AGBL4: variants seen among roughly 807,000 people sequenced by gnomAD.
AGBL4 encodes the protein AGBL carboxypeptidase 4.
In AGBL4, 58 loss-of-function variants were observed where a neutral mutation model predicts 66.4. The ratio of observed to expected loss-of-function variants is 0.87; its 90% CI spans 0.71 to 1.09. The LOEUF is 1.09. AGBL4 is among the 50% of genes least tolerant of loss of function. AGBL4 has a pLI of 0.00. For missense variants in AGBL4, 579 were observed against 631.0 expected (o/e 0.92, Z 0.88); for synonymous variants, 234 against 222.9 (o/e 1.05, Z -0.44).
rs184597093 is a variant in AGBL4 at position 49,824,181 on chromosome 1, C to T, written c.157+27215G>A. 1.5e-3 allele frequency among the ~76,000 whole-genome samples: 234 copies of T among 152,240 alleles called. 4 individuals carry two copies. The highest frequency in any genetic ancestry group is 5.5e-3 in the African/African-American group (227 of 41,542). ...CCGAGATCGCGCATTGCACTCCAGC[C>T]TGGGCAACAAGAGCAAAACTCCGTC... On this transcript the variant is annotated intron_variant, in intron 2 of 13. Coordinates refer to ENST00000371839, the MANE Select transcript of AGBL4 (RefSeq NM_032785.4).
At chr1:49,889,357 T>G (rs944461101) in intron 1 of AGBL4, among the ~76,000 whole-genome samples, 1 of 152,180 alleles carries the variant, frequency 6.6e-6, no homozygotes, top group South Asian at 2.1e-4. Flanking sequence ...TAAATAAGCA[T>G]TTTCATCAAC....
chr1:49,936,898 C>T (rs1262231910), intron 1 of AGBL4, among the ~76,000 whole-genome samples: 2 of 152,136 alleles, frequency 1.3e-5, no homozygotes, highest in Non-Finnish European at 2.9e-5. Context: ...CCGAATTATA[C>T]AGACCATCGA....
At chr1:48,767,490 C>T (rs919415697) in intron 6 of AGBL4, among the ~76,000 whole-genome samples, 3 of 152,142 alleles carry the variant, frequency 2.0e-5, no homozygotes, top group African/African-American at 4.8e-5. Context: ...ACGGATAAGA[C>T]GTGAGGAGGA....
At chr1:49,023,115 G>A (rs949507506) in intron 5 of AGBL4, among the ~76,000 whole-genome samples, 1 of 152,196 alleles carries the variant, frequency 6.6e-6, no homozygotes, top group Non-Finnish European at 1.5e-5. Flanking sequence ...CAAGAGAAAA[G>A]CTCTGCCTAC....
intron 5 of AGBL4, chr1:49,025,585 AC>A (rs1663599460): frequency 6.6e-6 from 1 of 152,100 alleles, no homozygotes; most frequent in South Asian, 2.1e-4. Flanking sequence ...TTGCCTTGTG[AC>A]CTAATGTTAT....
Position 48,576,911 on chromosome 1 carries a change from C to A in AGBL4, c.1267+10093G>T, listed in dbSNP as rs147997764. ...ATAGTGTCAGTTAAGATGCCTAAAC[C>A]ATTTTACTGCACAGGAAACCTCATT... is the stretch of plus-strand genomic sequence containing the variant. On this transcript the variant is annotated intron_variant, in intron 11 of 13. Transcript: ENST00000371839. 2.3e-4 allele frequency among the ~76,000 whole-genome samples: 35 copies of A among 152,306 alleles called. 1 individual carries two copies. Among genetic ancestry groups the A allele is most frequent in the African/African-American group, 8.2e-4 (34 of 41,572 alleles).
intron 3 of AGBL4, among the ~76,000 whole-genome samples, chr1:49,459,409 C>T (rs1361430409): frequency 6.6e-6 from 1 of 151,448 alleles, no homozygotes; most frequent in Non-Finnish European, 1.5e-5. Flanking sequence ...TGCATAGTAG[C>T]CTTTAATAAT....
chr1:49,823,860 T>C (rs1645435397), intron 2 of AGBL4, among the ~76,000 whole-genome samples: 1 of 151,460 alleles, frequency 6.6e-6, no homozygotes, highest in South Asian at 2.1e-4. Context: ...ATACATTTTC[T>C]TGGCGATATA....
intron 2 of AGBL4, among the ~76,000 whole-genome samples, chr1:49,838,391 G>C (rs992927563): frequency 6.6e-6 from 1 of 152,184 alleles, no homozygotes; most frequent in Non-Finnish European, 1.5e-5. Flanking sequence ...GTTCCTCTTA[G>C]CTGAGGTAGC....
chr1:49,120,555 G>A (rs188530230), intron 4 of AGBL4, among the ~76,000 whole-genome samples: 27 of 152,288 alleles, frequency 1.8e-4, no homozygotes, highest in African/African-American at 4.3e-4. Flanking sequence ...GGTTTCTGCC[G>A]AGAGATCTGC....
chr1:48,997,617 A>G (rs3118222), intron 5 of AGBL4, among the ~76,000 whole-genome samples: 86,754 of 152,016 alleles, frequency 0.57, 25,181 homozygotes, highest in Non-Finnish European at 0.61. Context: ...AGCTCTATAA[A>G]TACAAAGTCT....
chr1:49,859,987 A>G (rs1454937255), intron 1 of AGBL4, among the ~76,000 whole-genome samples: 3 of 152,218 alleles, frequency 2.0e-5, no homozygotes, highest in African/African-American at 7.2e-5. Context: ...AATATTTGTA[A>G]CACCAATAAA....
chr1:48,589,760 C>T (rs779939911), intron 10 of AGBL4, among the ~76,000 whole-genome samples: 4 of 152,166 alleles, frequency 2.6e-5, no homozygotes, highest in African/African-American at 4.8e-5. Context: ...TAGAAATTAT[C>T]GTCCAGCAAT....
chr1:49,848,835 G>A (rs1229443004), intron 2 of AGBL4, among the ~76,000 whole-genome samples: 1 of 152,106 alleles, frequency 6.6e-6, no homozygotes, highest in Non-Finnish European at 1.5e-5. Context: ...TGCTAATGAT[G>A]TTATATCCAA....
intron 1 of AGBL4, among the ~76,000 whole-genome samples, chr1:49,984,053 A>T (rs1659303908): frequency 6.6e-6 from 1 of 152,224 alleles, no homozygotes; most frequent in South Asian, 2.1e-4. Context: ...ATACCAAATT[A>T]TATACGGGAC....
chr1:49,180,177 C>T (rs1646906009), intron 4 of AGBL4, among the ~76,000 whole-genome samples: 1 of 152,178 alleles, frequency 6.6e-6, no homozygotes, highest in African/African-American at 2.4e-5. Flanking sequence ...GGATTACAGG[C>T]GTGAGCCACT....
At chr1:48,989,490 C>A (rs927311703) in intron 5 of AGBL4, among the ~76,000 whole-genome samples, 3 of 151,998 alleles carry the variant, frequency 2.0e-5, no homozygotes, top group African/African-American at 7.2e-5. Flanking sequence ...ATATTTTATA[C>A]TCATTAACCA....
In AGBL4 at chr1:48,837,709, CACTATATATATA is replaced by C. The variant is rs1413615244; in HGVS notation, c.634+29470_634+29481del. ...ACACGCACACACACGCACACACACA[CACTATATATATA>C]TATATATATATATATATATATCCTG... On this transcript the variant is annotated intron_variant, in intron 6 of 13. Coordinates refer to ENST00000371839, the MANE Select transcript of AGBL4 (RefSeq NM_032785.4). Among the ~76,000 whole-genome samples the C allele has an allele frequency of 4.4e-3, 328 of 75,084 alleles. 4 individuals are homozygous for C. Among genetic ancestry groups the C allele is most frequent in the African/African-American group, 0.017 (317 of 19,002 alleles). The allele number at this position is 75,084 out of a possible 152,430, so 49.3% of individuals were successfully genotyped here. A position where few individuals can be genotyped will look rare whatever the true frequency, so the allele number is the denominator to read the frequency against.
intron 3 of AGBL4, among the ~76,000 whole-genome samples, chr1:49,474,674 A>G (rs1395161897): frequency 2.0e-5 from 3 of 152,016 alleles, no homozygotes; most frequent in East Asian, 3.9e-4. Flanking sequence ...ACTATTTAAA[A>G]AAATAGCTCT....
Sources: gnomAD v4.1 joint callset for allele counts (sites outside exome capture counted in the v4.1 genomes callset) on GRCh38, gnomAD v4.1.1 for gene constraint, MANE v1.5 for transcripts, NCBI Gene and HGNC (gene_info 2026-07-23, HGNC 2026-07-21) for gene names.